The following GAS7 variants were observed in gnomAD, a reference collection of about 807,000 sequenced individuals.
GAS7 encodes growth arrest-specific protein 7.
Under a neutral mutation model 71.1 loss-of-function variants are expected in GAS7, and 28 were observed. The ratio of observed to expected loss-of-function variants is 0.39; its 90% CI spans 0.29 to 0.54. The LOEUF is 0.54. Ranked by LOEUF, GAS7 falls within the 20% of genes least tolerant of loss-of-function variation. GAS7 has a pLI of 0.62. For synonymous variants in GAS7, 258 were observed against 245.8 expected, an observed-to-expected ratio of 1.05 and a Z score of -0.46; for missense variants, 436 against 627.8, an observed-to-expected ratio of 0.69 and a Z score of 3.27.
chr17:10,052,062 T>C (rs1310908817), intron 1 of GAS7, among the ~76,000 whole-genome samples: 3 of 152,122 alleles, frequency 2.0e-5, no homozygotes, highest in Non-Finnish European at 4.4e-5. Context: ...AACCCAGTAG[T>C]CTGTCTCCAA....
intron 1 of GAS7, among the ~76,000 whole-genome samples, chr17:10,084,049 G>A (rs1347220061): frequency 6.6e-6 from 1 of 152,202 alleles, no homozygotes; most frequent in African/African-American, 2.4e-5. Flanking sequence ...GCTGCCTCCT[G>A]CTGCTCTCAC....
At chr17:10,025,989 G>C (rs895423066) in intron 1 of GAS7, among the ~76,000 whole-genome samples, 7 of 152,108 alleles carry the variant, frequency 4.6e-5, no homozygotes, top group African/African-American at 1.7e-4. Flanking sequence ...CTATTTAACA[G>C]ACGGTGGAGG....
chr17:10,118,704 CAAAAAAAAAAAAAA>C (rs34461299), intron 1 of GAS7, among the ~76,000 whole-genome samples: 1 of 70,108 alleles, frequency 1.4e-5, no homozygotes. Flanking sequence ...ACTCTGTCTC[CAAAAAAAAAAAAAA>C]AAAAAAAAGC....
chr17:10,164,573 G>A (rs1443140603), intron 1 of GAS7, among the ~76,000 whole-genome samples: 1 of 151,916 alleles, frequency 6.6e-6, no homozygotes, highest in Non-Finnish European at 1.5e-5. Context: ...TGAGCAGGAG[G>A]AGGACTGCTT....
chr17:10,194,115 C>T (rs2074522476), intron 1 of GAS7, among the ~76,000 whole-genome samples: 1 of 152,174 alleles, frequency 6.6e-6, no homozygotes, highest in Non-Finnish European at 1.5e-5. Flanking sequence ...TGCCAGCAAA[C>T]AGTGTCATAT....
rs2072968883 is a variant in GAS7, at chr17:10,046,785, A to AAGG, written c.184-26889_184-26888insCCT. Among the ~76,000 whole-genome samples, 126 of 68,798 alleles carry AAGG rather than the reference A, an allele frequency of 1.8e-3. 1 individual carries two copies. The highest frequency in any genetic ancestry group is 7.2e-3 in the Middle Eastern group (1 of 138). The allele number at this position is 68,798 out of a possible 152,430, so 45.1% of individuals were successfully genotyped here. A position where few individuals can be genotyped will look rare whatever the true frequency, so the allele number is the denominator to read the frequency against. On this transcript the variant is annotated intron_variant, in intron 1 of 13. Transcript: ENST00000432992. ...AAAGAAAGAAGAGAAAGAAAGAAAG[A>AAGG]AAGGAAGGAAGGAAGGAAGGAAGGA...
chr17:9,960,437 G>A (rs917052893), intron 4 of GAS7, among the ~76,000 whole-genome samples: 3 of 147,186 alleles, frequency 2.0e-5, no homozygotes, highest in African/African-American at 5.4e-5. Flanking sequence ...CGATCCACCT[G>A]TCTCGGCCTC....
At chr17:9,925,452 G>A (rs767814535) in intron 11 of GAS7, 24 bp downstream of exon 11, 18 of 1,613,122 alleles carry the variant, frequency 1.1e-5, no homozygotes, top group Non-Finnish European at 1.4e-5. Flanking sequence ...CACTGACCAG[G>A]CCAGGCGGGT....
intron 1 of GAS7, among the ~76,000 whole-genome samples, chr17:10,148,841 C>T (rs538362154): frequency 2.3e-4 from 33 of 143,550 alleles, no homozygotes; most frequent in Non-Finnish European, 3.7e-4. Flanking sequence ...ACCTGGGAGG[C>T]GGAGCTTGCA....
At chr17:10,011,975 C>CA (rs559918563) in intron 2 of GAS7, among the ~76,000 whole-genome samples, 11,606 of 86,810 alleles carry the variant, frequency 0.13, 1,563 homozygotes, top group African/African-American at 0.35. Flanking sequence ...AACTCCATCT[C>CA]AAAAAAAAAA....
chr17:9,918,175 A>G lies in GAS7; in HGVS notation c.1219-76T>C, dbSNP rs114277811. On this transcript the variant is annotated intron_variant, in intron 12 of 13. Coordinates refer to ENST00000432992, the MANE Select transcript of GAS7 (RefSeq NM_201433.2). Reference sequence around the variant, plus strand: ...GGGGTCCCCCCACCAAGACCACAAAACGCAAGTCACTGGCTGTGGACATTC... The same window carrying G: ...GGGGTCCCCCCACCAAGACCACAAAGCGCAAGTCACTGGCTGTGGACATTC... 1,947 of 947,018 alleles carry G rather than the reference A, an allele frequency of 2.1e-3. 21 individuals carry two copies. In the African/African-American group the frequency reaches 0.029, roughly 14 times the overall value. 58.7% of individuals were successfully genotyped at this position (947,018 alleles called of 1,614,324 possible). A position where few individuals can be genotyped will look rare whatever the true frequency, so the allele number is the denominator to read the frequency against.
intron 5 of GAS7, among the ~76,000 whole-genome samples, chr17:9,947,608 G>GCA (rs1302547857): frequency 6.6e-6 from 1 of 152,118 alleles, no homozygotes; most frequent in African/African-American, 2.4e-5. Flanking sequence ...GCTGGGCGTA[G>GCA]TGGCGCATGC....
At chr17:10,110,007 T>C (rs1029499757) in intron 1 of GAS7, among the ~76,000 whole-genome samples, 2 of 150,804 alleles carry the variant, frequency 1.3e-5, no homozygotes, top group South Asian at 2.1e-4. Flanking sequence ...TGAGCCGAGA[T>C]TGTGCCATTG....
chr17:9,984,189 C>G (rs2070545705), intron 2 of GAS7, among the ~76,000 whole-genome samples: 1 of 152,188 alleles, frequency 6.6e-6, no homozygotes, highest in Admixed American at 6.5e-5. Context: ...CTCAACTTTG[C>G]TCCTAAACTA....
At chr17:9,971,148 G>C (rs2152121027) in intron 3 of GAS7, among the ~76,000 whole-genome samples, 1 of 152,330 alleles carries the variant, frequency 6.6e-6, no homozygotes, top group East Asian at 1.9e-4. Context: ...TATAATCCCA[G>C]TACTTCGTGA....
chr17:10,099,760 AG>A (rs1271245263), intron 1 of GAS7, among the ~76,000 whole-genome samples: 1 of 152,182 alleles, frequency 6.6e-6, no homozygotes, highest in Non-Finnish European at 1.5e-5. Flanking sequence ...CCCAGTCCTT[AG>A]GTGCCCTCTG....
chr17:10,135,341 T>A (rs1288659839), intron 1 of GAS7, among the ~76,000 whole-genome samples: 2 of 152,126 alleles, frequency 1.3e-5, no homozygotes, highest in African/African-American at 4.8e-5. Context: ...TAGCTAGTCT[T>A]CAATTTGGCT....
chr17:9,919,674 G>A lies in GAS7; in HGVS notation c.1170C>T (p.Tyr390=). 2 of 1,609,932 alleles carry A rather than the reference G, an allele frequency of 1.2e-6. 1 individual carries two copies. The highest frequency in any genetic ancestry group is 3.3e-4 in the Middle Eastern group (2 of 6,044). Residue 390 remains tyrosine (Y), a synonymous_variant, in exon 12 of 14, where the codon TAC becomes TAT. Transcript: ENST00000432992. The surrounding 1 kb of genome is among the most constrained non-coding windows in gnomAD (Gnocchi z 5.0). Reference sequence around the variant, plus strand: ...CAAACCATTTGGACTGGGCCTGGTTGTAGAGATCCACACAGCGCATGAGGT... The same window carrying A: ...CAAACCATTTGGACTGGGCCTGGTTATAGAGATCCACACAGCGCATGAGGT... ...GDDLMRCVDL[Y]NQAQSKWFEE... is the part of the protein sequence containing the mutation.
chr17:10,150,756 A>C (rs1279722705), intron 1 of GAS7, among the ~76,000 whole-genome samples: 2 of 151,780 alleles, frequency 1.3e-5, no homozygotes, highest in East Asian at 3.9e-4. Flanking sequence ...CGCCCAGCTA[A>C]TTTTATATTT....
Sources: allele counts gnomAD v4.1 joint callset (sites outside exome capture counted in the v4.1 genomes callset), GRCh38; gene constraint gnomAD v4.1.1; non-coding constraint Gnocchi (gnomAD v3.1); transcripts MANE v1.5; gene names NCBI Gene and HGNC (gene_info 2026-07-23, HGNC 2026-07-21).